The following DLG3 variants were observed in gnomAD, a reference collection of about 807,000 sequenced individuals.
DLG3 encodes discs large MAGUK scaffold protein 3.
A neutral mutation model predicts 64.1 loss-of-function variants in DLG3; 1 was observed. The observed-to-expected ratio is 0.02, with a 90% CI of 0.01 to 0.07. DLG3 has a LOEUF of 0.07. Ranked by LOEUF, DLG3 falls within the 10% of genes least tolerant of loss-of-function variation. DLG3 has a pLI of 1.00. For synonymous variants in DLG3, 245 were observed against 259.8 expected (o/e 0.94, Z 0.55); for missense variants, 429 against 669.5 (o/e 0.64, Z 3.96).
At chrX:70,475,416 G>T (rs1254874696) in intron 9 of DLG3, among the ~76,000 whole-genome samples, 1 of 111,230 alleles carries the variant, frequency 9.0e-6, no homozygotes. Flanking sequence ...GGAGTGCAGT[G>T]GCGCGATCTC....
chrX:70,464,883 G>T (rs967520047), intron 9 of DLG3, among the ~76,000 whole-genome samples: 9 of 111,711 alleles, frequency 8.1e-5, no homozygotes, highest in African/African-American at 2.9e-4. Context: ...TTGAATCTGG[G>T]AGGCGGAGGT....
At chrX:70,452,077 G>C (rs1373527284) in intron 7 of DLG3, 51 bp downstream of exon 7, 3 of 1,191,339 alleles carry the variant, frequency 2.5e-6, no homozygotes, top group Non-Finnish European at 3.4e-6. Context: ...AATTGGGGAG[G>C]GGAGGAATCC....
rs1219446170 is a variant in DLG3 at position 70,473,009 on chromosome X, T to TAGCTGGG, written c.1406-6138_1406-6132dup. On this transcript the variant is annotated intron_variant, in intron 9 of 18. Coordinates refer to ENST00000374360, the MANE Select transcript of DLG3 (RefSeq NM_021120.4). Reference sequence around the variant, plus strand: ...CTGTCTCTACTAAAAATACAAATATTAGCTGGGAGTGGTGGCAGGCGCCTG... The same window carrying TAGCTGGG: ...CTGTCTCTACTAAAAATACAAATATTAGCTGGGAGCTGGGAGTGGTGGCAGGCGCCTG... Among the ~76,000 whole-genome samples the TAGCTGGG allele has an allele frequency of 6.4e-5, 7 of 108,956 alleles. No individual in the cohort carries two copies. The Admixed American group carries it at 6.9e-4, about 11-fold the overall frequency. The allele number at this position is 108,956 out of a possible 115,157, so 94.6% of individuals were successfully genotyped here. A position where few individuals can be genotyped will look rare whatever the true frequency, so the allele number is the denominator to read the frequency against.
intron 13 of DLG3, chrX:70,497,216 G>T: frequency 8.3e-7 from 1 of 1,210,054 alleles, no homozygotes; most frequent in Non-Finnish European, 1.1e-6. Flanking sequence ...AGCGAAAGCA[G>T]TTCCAGTAAG....
intron 1 of DLG3, 65 bp downstream of exon 1, chrX:70,445,623 G>A (rs2086558627): frequency 4.8e-6 from 5 of 1,036,644 alleles, no homozygotes; most frequent in East Asian, 3.3e-5. Flanking sequence ...GGGGCCTAGA[G>A]GCCTGGGATG....
At chrX:70,463,473 T>A (rs773972893) in intron 9 of DLG3, among the ~76,000 whole-genome samples, 5 of 112,036 alleles carry the variant, frequency 4.5e-5, no homozygotes, top group African/African-American at 1.6e-4. Context: ...CTTACTTAAC[T>A]GTAGCTTTTT....
rs772575054 is a variant in DLG3 at position 70,499,198 on chromosome X, C to T, written c.1893C>T (p.Ile631=). 2.5e-6 allele frequency: 3 copies of T among 1,209,328 alleles called. No individual in the cohort carries two copies. In the South Asian group the frequency reaches 5.3e-5, roughly 21 times the overall value. The stretch of plus-strand genomic sequence containing the variant: ...TAGTTCACTATGCAAGGCCTGTGAT[C>T]ATCCTGGGCCCAATGAAGGACCGAG... The part of the protein sequence containing the change: ...RQEIHYARPV[I]ILGPMKDRVN... Residue 631 remains isoleucine (I), a synonymous_variant, in exon 15 of 19, where the codon ATC becomes ATT. Coordinates refer to ENST00000374360, the MANE Select transcript of DLG3 (RefSeq NM_021120.4).
intron 9 of DLG3, among the ~76,000 whole-genome samples, chrX:70,454,569 A>G (rs771665906): frequency 1.2e-4 from 13 of 111,867 alleles, no homozygotes; most frequent in African/African-American, 2.0e-4. Flanking sequence ...GCAGCAGCCT[A>G]CTGGAAGCAG....
At chrX:70,483,696 C>T (rs774761513) in intron 10 of DLG3, among the ~76,000 whole-genome samples, 1 of 112,369 alleles carries the variant, frequency 8.9e-6, no homozygotes, top group African/African-American at 3.2e-5. Context: ...CCACAGGGGA[C>T]GTGGGGTTTG....
rs1034407646 is a variant in DLG3, at chrX:70,444,951, G to C, written c.-251G>C. Reference sequence around the variant, plus strand: ...GGCCTCGGCCCAGAAGCCACGACGGGCGACACGGAGCCGCCAGTGCTGGAG... The same window carrying C: ...GGCCTCGGCCCAGAAGCCACGACGGCCGACACGGAGCCGCCAGTGCTGGAG... On this transcript the variant is annotated 5_prime_UTR_variant, in exon 1 of 19. Coordinates refer to ENST00000374360, the MANE Select transcript of DLG3 (RefSeq NM_021120.4). 4.5e-6 allele frequency: 1 copy of C among 222,666 alleles called. No individual in the cohort carries two copies. Among genetic ancestry groups the C allele is most frequent in the Non-Finnish European group, 8.0e-6 (1 of 124,400 alleles). The allele number at this position is 222,666 out of a possible 1,213,427, so 18.4% of individuals were successfully genotyped here. A position where few individuals can be genotyped will look rare whatever the true frequency, so the allele number is the denominator to read the frequency against.
intron 13 of DLG3, 57 bp downstream of exon 13, chrX:70,495,510 G>T: frequency 8.9e-7 from 1 of 1,121,240 alleles, no homozygotes; most frequent in Non-Finnish European, 1.2e-6. Flanking sequence ...AGATAGTGGG[G>T]GTGGGGCTAT....
chrX:70,485,544 G>T (rs1200240711), intron 10 of DLG3, among the ~76,000 whole-genome samples: 1 of 111,412 alleles, frequency 9.0e-6, no homozygotes, highest in Non-Finnish European at 1.9e-5. Context: ...AGGTAGAGAG[G>T]TGGGCACAAT....
intron 10 of DLG3, among the ~76,000 whole-genome samples, chrX:70,482,813 G>T (rs987020042): frequency 9.3e-6 from 1 of 107,400 alleles, no homozygotes; most frequent in African/African-American, 3.4e-5. Flanking sequence ...GACTACAGGC[G>T]CCTGCCACCA....
intron 10 of DLG3, among the ~76,000 whole-genome samples, chrX:70,487,777 G>A (rs904165082): frequency 1.8e-5 from 2 of 110,260 alleles, no homozygotes. Context: ...TCAGCCTCCC[G>A]AGTAGCTGGG....
intron 12 of DLG3, among the ~76,000 whole-genome samples, chrX:70,494,028 C>T (rs760285204): frequency 3.6e-5 from 4 of 112,199 alleles, no homozygotes; most frequent in Admixed American, 2.8e-4. Flanking sequence ...TCAGCAGACT[C>T]GCTGTCATCC....
At chrX:70,501,011 G>T (rs1361973642) in intron 18 of DLG3, 22 bp downstream of exon 18, 2 of 1,083,597 alleles carry the variant, frequency 1.8e-6, no homozygotes, top group Non-Finnish European at 2.5e-6. Flanking sequence ...GCTGCCCTGC[G>T]GGGGGTTCTG....
intron 9 of DLG3, among the ~76,000 whole-genome samples, chrX:70,475,269 AAT>A (rs765041668): frequency 6.8e-4 from 76 of 112,531 alleles, no homozygotes; most frequent in Non-Finnish European, 1.1e-3. Flanking sequence ...TATCAATTGA[AAT>A]ATGACTGAAT....
chrX:70,449,983 G>A, intron 4 of DLG3, 124 bp downstream of exon 4: 2 of 1,018,243 alleles, frequency 2.0e-6, no homozygotes, highest in Non-Finnish European at 2.7e-6. Context: ...CCAACTCACA[G>A]CCTACTTTTT....
chrX:70,489,337 C>T (rs758684352), intron 10 of DLG3, among the ~76,000 whole-genome samples: 16 of 111,860 alleles, frequency 1.4e-4, no homozygotes, highest in African/African-American at 4.9e-4. Flanking sequence ...GAGTCTCAGT[C>T]TGTCACCCAG....
Sources: allele counts gnomAD v4.1 joint callset (sites outside exome capture counted in the v4.1 genomes callset), GRCh38; gene constraint gnomAD v4.1.1; transcripts MANE v1.5; gene names NCBI Gene and HGNC (gene_info 2026-07-23, HGNC 2026-07-21).